The following SLC35F3 variants were observed in gnomAD, a reference collection of about 807,000 sequenced individuals.
SLC35F3 encodes the protein putative thiamine transporter SLC35F3.
In SLC35F3, 25 loss-of-function variants were observed where a neutral mutation model predicts 49.9. That is an observed-to-expected ratio of 0.50 (90% CI 0.37 to 0.70). The LOEUF (loss-of-function observed/expected upper bound fraction) is 0.70. Ranked by LOEUF, SLC35F3 falls within the 30% of genes least tolerant of loss-of-function variation. SLC35F3 has a pLI of 0.00. For missense variants in SLC35F3, 525 were observed against 639.8 expected, an observed-to-expected ratio of 0.82 and a Z score of 1.94; for synonymous variants, 275 against 265.4, an observed-to-expected ratio of 1.04 and a Z score of -0.35.
intron 3 of SLC35F3, among the ~76,000 whole-genome samples, chr1:234,247,419 G>C (rs1233051595): frequency 6.6e-6 from 1 of 152,016 alleles, no homozygotes; most frequent in Non-Finnish European, 1.5e-5. Context: ...CCATTGTTTG[G>C]TGGGTTGGTT....
At chr1:234,172,418 G>T (rs1163626445) in intron 2 of SLC35F3, among the ~76,000 whole-genome samples, 1 of 152,120 alleles carries the variant, frequency 6.6e-6, no homozygotes, top group Non-Finnish European at 1.5e-5. Flanking sequence ...GTAGAGATGG[G>T]GTTTCACTGT....
intron 2 of SLC35F3, among the ~76,000 whole-genome samples, chr1:234,090,655 G>T: frequency 6.6e-6 from 1 of 152,314 alleles, no homozygotes; most frequent in East Asian, 1.9e-4. Context: ...AAATAGCAGC[G>T]TTAGCATGAT....
chr1:234,128,102 G>T (rs1037324243), intron 2 of SLC35F3, among the ~76,000 whole-genome samples: 2 of 152,098 alleles, frequency 1.3e-5, no homozygotes, highest in South Asian at 4.1e-4. Flanking sequence ...AAGTGATGCC[G>T]ACAAACAGGC....
At chr1:234,160,296 G>A (rs1305200151) in intron 2 of SLC35F3, among the ~76,000 whole-genome samples, 2 of 152,156 alleles carry the variant, frequency 1.3e-5, no homozygotes, top group Non-Finnish European at 2.9e-5. Context: ...ATCAACCCAG[G>A]AGCCATGAAG....
At chr1:234,069,217 T>G (rs1485282579) in intron 2 of SLC35F3, among the ~76,000 whole-genome samples, 2 of 141,494 alleles carry the variant, frequency 1.4e-5, no homozygotes, top group African/African-American at 5.2e-5. Context: ...TATATTATAT[T>G]ATATATAATT....
chr1:233,929,646 AG>A (rs1662211750), intron 2 of SLC35F3, among the ~76,000 whole-genome samples: 1 of 152,178 alleles, frequency 6.6e-6, no homozygotes, highest in Admixed American at 6.6e-5. Flanking sequence ...TGCATTTCAA[AG>A]CTTTGGAAAT....
At chr1:233,984,055 A>G (rs1663227186) in intron 2 of SLC35F3, among the ~76,000 whole-genome samples, 1 of 152,120 alleles carries the variant, frequency 6.6e-6, no homozygotes, top group Non-Finnish European at 1.5e-5. Context: ...CTTGTTCAGG[A>G]TATGTTTCTC....
At chr1:233,990,094 T>C (rs1342440389) in intron 2 of SLC35F3, among the ~76,000 whole-genome samples, 1 of 152,200 alleles carries the variant, frequency 6.6e-6, no homozygotes, top group Non-Finnish European at 1.5e-5. Flanking sequence ...ATATTAGTGA[T>C]AGCAGAAGAT....
intron 2 of SLC35F3, among the ~76,000 whole-genome samples, chr1:233,946,583 G>A (rs1662516858): frequency 6.6e-6 from 1 of 151,436 alleles, no homozygotes; most frequent in Admixed American, 6.6e-5. Flanking sequence ...TAAATTTTTT[G>A]GATGAACTTT....
chr1:233,908,997 T>C (rs75195701), intron 2 of SLC35F3, among the ~76,000 whole-genome samples: 4,166 of 151,562 alleles, frequency 0.027, 125 homozygotes, highest in East Asian at 0.15. Context: ...TAGCTGGGAC[T>C]ACAGGCACCC....
intron 2 of SLC35F3, among the ~76,000 whole-genome samples, chr1:234,037,694 CT>C (rs1164381338): frequency 6.6e-6 from 1 of 152,206 alleles, no homozygotes; most frequent in Non-Finnish European, 1.5e-5. Context: ...GGGAATTCCT[CT>C]CTGATGAAGT....
intron 2 of SLC35F3, among the ~76,000 whole-genome samples, chr1:233,910,608 G>A (rs1473298153): frequency 6.6e-6 from 1 of 152,166 alleles, no homozygotes; most frequent in Non-Finnish European, 1.5e-5. Flanking sequence ...GGGTGGGCAG[G>A]ATGTTTCCCT....
intron 2 of SLC35F3, among the ~76,000 whole-genome samples, chr1:233,965,422 A>G (rs1279880894): frequency 2.6e-5 from 4 of 152,178 alleles, no homozygotes; most frequent in East Asian, 1.9e-4. Flanking sequence ...GCTTTTAACC[A>G]ATAGAATACA....
chr1:234,009,819 T>A (rs1474723170), intron 2 of SLC35F3, among the ~76,000 whole-genome samples: 1 of 152,148 alleles, frequency 6.6e-6, no homozygotes, highest in Non-Finnish European at 1.5e-5. Context: ...GCAGAACCCC[T>A]TCTGGCCAAG....
chr1:233,947,901 T>C (rs1662538408), intron 2 of SLC35F3, among the ~76,000 whole-genome samples: 1 of 150,532 alleles, frequency 6.6e-6, no homozygotes, highest in Admixed American at 6.6e-5. Context: ...TCTTTGATCC[T>C]GCTGGGACTC....
At chr1:233,923,834 A>T (rs571485240) in intron 2 of SLC35F3, among the ~76,000 whole-genome samples, 2 of 152,068 alleles carry the variant, frequency 1.3e-5, no homozygotes, top group Non-Finnish European at 2.9e-5. Context: ...CACCTAGTTT[A>T]TGAGAGTTTT....
intron 2 of SLC35F3, among the ~76,000 whole-genome samples, chr1:233,925,593 C>T (rs1205457414): frequency 6.6e-6 from 1 of 152,122 alleles, no homozygotes; most frequent in African/African-American, 2.4e-5. Context: ...TCCAATTTGC[C>T]AGTCTGTGTC....
chr1:233,945,380 G>A (rs1662497647), intron 2 of SLC35F3, among the ~76,000 whole-genome samples: 1 of 152,140 alleles, frequency 6.6e-6, no homozygotes, highest in South Asian at 2.1e-4. Context: ...AACAATAAGT[G>A]TACTTCTTTT....
chr1:234,199,264 G>A lies in SLC35F3; in HGVS notation c.284-32153G>A, dbSNP rs189763143. 3.9e-5 allele frequency among the ~76,000 whole-genome samples: 6 copies of A among 152,134 alleles called. No individual in the cohort carries two copies. The South Asian group carries it at 6.2e-4, about 16-fold the overall frequency. Reference sequence around the variant, plus strand: ...AACGAAAAGAAAAAAAACAAAAGTCGTAATGGCACTGGCATGACGACAGAC... The same window carrying A: ...AACGAAAAGAAAAAAAACAAAAGTCATAATGGCACTGGCATGACGACAGAC... On this transcript the variant is annotated intron_variant, in intron 2 of 7. Coordinates refer to ENST00000366618, the MANE Select transcript of SLC35F3 (RefSeq NM_173508.4).
Sources: gnomAD v4.1 joint callset for allele counts (sites outside exome capture counted in the v4.1 genomes callset) on GRCh38, gnomAD v4.1.1 for gene constraint, MANE v1.5 for transcripts, NCBI Gene and HGNC (gene_info 2026-07-23, HGNC 2026-07-21) for gene names.